Variants in NR6A1 observed in about 807,000 individuals in gnomAD.
The protein encoded by NR6A1 is retinoic acid receptor-related testis-associated receptor.
NR6A1 carries 7 observed loss-of-function variants against 59.1 expected under a neutral mutation model. The ratio of observed to expected loss-of-function variants is 0.12; its 90% CI spans 0.07 to 0.22. NR6A1 has a LOEUF of 0.22. NR6A1 is among the 10% of genes least tolerant of loss of function. The pLI is 1.00. For synonymous variants in NR6A1, 243 were observed against 236.1 expected (o/e 1.03, Z -0.27); for missense variants, 468 against 611.6 (o/e 0.77, Z 2.48).
chr9:124,665,196 A>C (rs1321470282), intron 2 of NR6A1, among the ~76,000 whole-genome samples: 1 of 151,732 alleles, frequency 6.6e-6, no homozygotes, highest in Non-Finnish European at 1.5e-5. Flanking sequence ...AAAAAAAAAA[A>C]AGAATAAAAT....
At chr9:124,615,594 C>T (rs1835866729) in intron 2 of NR6A1, among the ~76,000 whole-genome samples, 1 of 151,676 alleles carries the variant, frequency 6.6e-6, no homozygotes, top group Admixed American at 6.6e-5. Flanking sequence ...AAGCACCTAA[C>T]AAATCCTTGT....
At chr9:124,540,212 T>G in intron 4 of NR6A1, 25 bp from the exon 5 acceptor site, 1 of 1,607,738 alleles carries the variant, frequency 6.2e-7, no homozygotes, top group Non-Finnish European at 8.5e-7. Context: ...TGAGACATGT[T>G]AGATGGGTGC....
intron 6 of NR6A1, among the ~76,000 whole-genome samples, chr9:124,537,352 G>C (rs1833299456): frequency 6.6e-6 from 1 of 152,196 alleles, no homozygotes; most frequent in South Asian, 2.1e-4. Context: ...CTTCCAAAGT[G>C]CTGGGATTAC....
chr9:124,611,407 C>T (rs1835739627), intron 2 of NR6A1, among the ~76,000 whole-genome samples: 1 of 151,988 alleles, frequency 6.6e-6, no homozygotes, highest in Admixed American at 6.6e-5. Context: ...AGAGTAGCCA[C>T]CAAAGACTAC....
At chr9:124,688,001 A>G (rs1838396253) in intron 2 of NR6A1, among the ~76,000 whole-genome samples, 1 of 152,218 alleles carries the variant, frequency 6.6e-6, no homozygotes, top group Non-Finnish European at 1.5e-5. Flanking sequence ...ACAATAACTG[A>G]TAATAAAATG....
intron 2 of NR6A1, among the ~76,000 whole-genome samples, chr9:124,637,011 G>A (rs996362562): frequency 1.3e-5 from 2 of 152,110 alleles, no homozygotes; most frequent in African/African-American, 4.8e-5. Flanking sequence ...ATAAACTAAT[G>A]TACTTACTAC....
intron 2 of NR6A1, among the ~76,000 whole-genome samples, chr9:124,674,908 T>C (rs538776007): frequency 3.1e-4 from 47 of 152,324 alleles, no homozygotes; most frequent in African/African-American, 7.7e-4. Context: ...TCCAGAGAGA[T>C]AGAGGAAAAT....
Position 124,706,218 on chromosome 9 carries a change from C to T in NR6A1, c.142+27090G>A, listed in dbSNP as rs546624616. Among the ~76,000 whole-genome samples, 173 of 152,270 alleles carry T rather than the reference C, an allele frequency of 1.1e-3. 1 individual carries two copies. Among genetic ancestry groups the T allele is most frequent in the African/African-American group, 3.8e-3 (157 of 41,546 alleles). On this transcript the variant is annotated intron_variant, in intron 2 of 9. Transcript: ENST00000487099. ...TATCCAACATACCTCCTATCCATCC[C>T]CTCCTATTATTGCCATATATGTTAT...
chr9:124,709,552 A>T (rs990021833), intron 2 of NR6A1, among the ~76,000 whole-genome samples: 2 of 152,196 alleles, frequency 1.3e-5, no homozygotes, highest in Non-Finnish European at 2.9e-5. Context: ...GAGACTCCAC[A>T]TAGCCACAGA....
rs557062522 is a variant in NR6A1, at chr9:124,537,315, G to C, written c.824+777C>G. Among the ~76,000 whole-genome samples the C allele has an allele frequency of 5.8e-4, 89 of 152,208 alleles. 1 individual carries two copies. The South Asian group carries it at 0.018, about 31-fold the overall frequency. On this transcript the variant is annotated intron_variant, in intron 6 of 9. Coordinates refer to ENST00000487099, the MANE Select transcript of NR6A1 (RefSeq NM_033334.4). ...ATGTTGGCCAGCTCGTCTGGAACTC[G>C]TGACCTGGTGATCCGCCCACCTAGG...
At chr9:124,583,240 T>G (rs915938916) in intron 2 of NR6A1, among the ~76,000 whole-genome samples, 1 of 151,870 alleles carries the variant, frequency 6.6e-6, no homozygotes. Context: ...ATTTTTCCAT[T>G]CATTAAGAAA....
In NR6A1 at chr9:124,540,182, C is replaced by A. The variant is rs753948156; in HGVS notation, c.447G>T (p.Ser149=). Residue 149 remains serine, a synonymous_variant, in exon 5 of 10, where the codon TCG becomes TCT. Coordinates refer to ENST00000487099, the MANE Select transcript of NR6A1 (RefSeq NM_033334.4). The stretch of plus-strand genomic sequence containing the variant: ...ACATGATCCTTTCGATTTCTTCTTC[C>A]GATATCTTTGACAAGGAATTGAGAC... ...RNKSIGPVQI[S]EEEIERIMSG... The A allele has an allele frequency of 6.2e-7, 1 of 1,612,734 alleles. No individual in the cohort carries two copies. Among genetic ancestry groups the A allele is most frequent in the Non-Finnish European group, 8.5e-7 (1 of 1,179,512 alleles).
At chr9:124,669,817 G>C (rs1432347193) in intron 2 of NR6A1, among the ~76,000 whole-genome samples, 1 of 152,114 alleles carries the variant, frequency 6.6e-6, no homozygotes, top group African/African-American at 2.4e-5. Context: ...GGCTAGTCTT[G>C]AACTCCTGAC....
intron 2 of NR6A1, chr9:124,599,630 C>G: frequency 8.6e-7 from 1 of 1,169,044 alleles, no homozygotes. Flanking sequence ...TCGCCGGCTC[C>G]GCGGCCTCTC....
At chr9:124,757,474 A>AC (rs1210195618) in intron 1 of NR6A1, among the ~76,000 whole-genome samples, 1 of 151,926 alleles carries the variant, frequency 6.6e-6, no homozygotes, top group Non-Finnish European at 1.5e-5. Flanking sequence ...AAAAAAAAAA[A>AC]AAACCTTGGA....
At chr9:124,604,297 A>G (rs1835520251) in intron 2 of NR6A1, among the ~76,000 whole-genome samples, 1 of 152,098 alleles carries the variant, frequency 6.6e-6, no homozygotes, top group African/African-American at 2.4e-5. Flanking sequence ...GTCTTCCTTT[A>G]AAACTCTGTT....
rs533890400 is a variant in NR6A1 at position 124,616,195 on chromosome 9, C to G, written c.143-61625G>C. Reference sequence around the variant, plus strand: ...AGCAGATCACCTGAGGCCAGGAGTTCAAGACCAGCCTCGCCAACCAACATG... The same window carrying G: ...AGCAGATCACCTGAGGCCAGGAGTTGAAGACCAGCCTCGCCAACCAACATG... On this transcript the variant is annotated intron_variant, in intron 2 of 9. Coordinates refer to ENST00000487099, the MANE Select transcript of NR6A1 (RefSeq NM_033334.4). Among the ~76,000 whole-genome samples the G allele has an allele frequency of 2.0e-5, 3 of 151,528 alleles. No individual in the cohort carries two copies. The South Asian group carries it at 6.3e-4, about 32-fold the overall frequency.
intron 1 of NR6A1, among the ~76,000 whole-genome samples, chr9:124,736,213 A>T (rs1271008905): frequency 6.6e-6 from 1 of 152,174 alleles, no homozygotes; most frequent in African/African-American, 2.4e-5. Flanking sequence ...TCTGGGCCTC[A>T]GACTACTTTG....
intron 3 of NR6A1, among the ~76,000 whole-genome samples, chr9:124,552,344 A>AG (rs2131380613): frequency 6.6e-6 from 1 of 152,240 alleles, no homozygotes; most frequent in South Asian, 2.1e-4. Context: ...GGAAACTGAC[A>AG]GTGGGGAAGG....
Sources: gnomAD v4.1 joint callset for allele counts (sites outside exome capture counted in the v4.1 genomes callset) on GRCh38, gnomAD v4.1.1 for gene constraint, MANE v1.5 for transcripts, NCBI Gene and HGNC (gene_info 2026-07-23, HGNC 2026-07-21) for gene names.